Variants in SRD5A2 observed in about 807,000 individuals in gnomAD.
SRD5A2 encodes steroid 5 alpha-reductase 2.
A neutral mutation model predicts 27.4 loss-of-function variants in SRD5A2; 30 were observed. The observed-to-expected ratio is 1.10, with a 90% CI of 0.82 to 1.49. SRD5A2 has a LOEUF of 1.49. Among genes scored for constraint, SRD5A2 ranks in the 40% most tolerant of loss-of-function variants. The probability of loss-of-function intolerance (pLI) is 0.00; values close to 1 mark genes in which losing one functional copy is unlikely to be tolerated. For synonymous variants in SRD5A2, 141 were observed against 133.6 expected, an observed-to-expected ratio of 1.06 and a Z score of -0.38; for missense variants, 348 against 323.4, an observed-to-expected ratio of 1.08 and a Z score of -0.58.
intron 1 of SRD5A2, among the ~76,000 whole-genome samples, chr2:31,537,855 G>A (rs984501745): frequency 4.6e-5 from 7 of 152,126 alleles, no homozygotes; most frequent in African/African-American, 9.7e-5. Flanking sequence ...TAGGACTTGA[G>A]GGAGTGGATT....
rs185031832 is a variant in SRD5A2, at chr2:31,524,207, A to G, written c.*1989T>C. On this transcript the variant is annotated 3_prime_UTR_variant, in exon 5 of 5. Coordinates refer to ENST00000622030, the MANE Select transcript of SRD5A2 (RefSeq NM_000348.4). ...AAGGACTTAAGCAAGGTAGTTTTCA[A>G]TGTCATGGAGAGAACTGGAAGTCTT... is the stretch of plus-strand genomic sequence containing the variant. 51 of 225,348 alleles carry G rather than the reference A, an allele frequency of 2.3e-4. No homozygotes were observed. Among genetic ancestry groups the G allele is most frequent in the African/African-American group, 1.1e-3 (49 of 45,044 alleles). The allele number at this position is 225,348 out of a possible 1,614,324, so 14.0% of individuals were successfully genotyped here.
the SRD5A2 span, among the ~76,000 whole-genome samples, chr2:31,639,374 T>C: frequency 7.9e-5 from 12 of 152,230 alleles, no homozygotes; most frequent in Admixed American, 7.2e-4. Flanking sequence ...AGGAATTGCA[T>C]ACCACAAAAA....
At chr2:31,586,572 G>GA in the SRD5A2 span, among the ~76,000 whole-genome samples, 152,260 of 152,260 alleles carry the variant, frequency 1, 76,130 homozygotes, top group Non-Finnish European at 1. Context: ...CTGTTTGGGA[G>GA]AAGTAAGGAA....
chr2:31,583,652 C>CAAAAAAAAAAAAAAAAAA (rs1352139998), upstream of SRD5A2, among the ~76,000 whole-genome samples: 1 of 20,918 alleles, frequency 4.8e-5, no homozygotes, highest in Admixed American at 6.0e-4. Context: ...AAAAAAAAAC[C>CAAAAAAAAAAAAAAAAAA]AAAAAAAAAG....
chr2:31,626,875 A>T, the SRD5A2 span, among the ~76,000 whole-genome samples: 2 of 152,144 alleles, frequency 1.3e-5, no homozygotes, highest in Non-Finnish European at 2.9e-5. Context: ...TGCCTCATAA[A>T]ATGAGTTAGG....
chr2:31,644,642 C>T, the SRD5A2 span, among the ~76,000 whole-genome samples: 1 of 152,196 alleles, frequency 6.6e-6, no homozygotes, highest in African/African-American at 2.4e-5. Context: ...GGCCCGGTTC[C>T]TAACAGGTCA....
chr2:31,606,796 G>C, the SRD5A2 span, among the ~76,000 whole-genome samples: 31 of 151,884 alleles, frequency 2.0e-4, no homozygotes, highest in Admixed American at 1.3e-3. Context: ...ATATTAGCTT[G>C]CTAAGGCTGC....
the SRD5A2 span, among the ~76,000 whole-genome samples, chr2:31,646,602 C>G: frequency 6.6e-6 from 1 of 152,236 alleles, no homozygotes; most frequent in East Asian, 1.9e-4. Flanking sequence ...ATTACATGGG[C>G]TTCCATGTGC....
At position 31,523,277 on chromosome 2, in the gene SRD5A2, C is replaced by T. The variant is rs1445330005; in HGVS notation, c.*2919G>A. On this transcript the variant is annotated 3_prime_UTR_variant, in exon 5 of 5. Transcript: ENST00000622030. ...GAGCGAGGGAAGCCTCACACACAAA[C>T]AGGCATGGGACAATAGGTGTATAAA... 4.6e-6 allele frequency: 1 copy of T among 215,506 alleles called. No homozygotes were observed. The highest frequency in any genetic ancestry group is 2.3e-5 in the African/African-American group (1 of 44,372). 13.3% of individuals were successfully genotyped at this position (215,506 alleles called of 1,614,324 possible). A position where few individuals can be genotyped will look rare whatever the true frequency, so the allele number is the denominator to read the frequency against.
rs372049682 is a variant in SRD5A2, at chr2:31,580,752, C to T, written c.149G>A (p.Arg50His). The change falls in exon 1 of 5, where the codon CGC becomes CAC. Residue 50 changes from arginine (R) to histidine (H), a missense_variant. Coordinates refer to ENST00000622030, the MANE Select transcript of SRD5A2 (RefSeq NM_000348.4). ...LKPAATRLPA[R>H]AAWFLQELPS... ...CAGCTCCTGCAGGAACCAGGCGGCG[C>T]GGGCTGGCAGGCGGGTAGCCGCCGG... is the stretch of plus-strand genomic sequence containing the variant. 46 of 1,610,360 alleles carry T rather than the reference C, an allele frequency of 2.9e-5. No homozygotes were observed. In the East Asian group the frequency reaches 2.9e-4, roughly 10 times the overall value.
intron 1 of SRD5A2, among the ~76,000 whole-genome samples, chr2:31,567,018 T>C (rs754412735): frequency 3.9e-5 from 6 of 152,186 alleles, no homozygotes; most frequent in Non-Finnish European, 8.8e-5. Flanking sequence ...AATGGCTCCA[T>C]ATATTTATTT....
chr2:31,583,279 A>G (rs1425947927), upstream of SRD5A2, among the ~76,000 whole-genome samples: 1 of 152,216 alleles, frequency 6.6e-6, no homozygotes, highest in Non-Finnish European at 1.5e-5. Context: ...AGAAACACAC[A>G]AGGCCTCTTC....
In SRD5A2 at chr2:31,525,883, T is replaced by A. The variant is rs1299476917; in HGVS notation, c.*313A>T. On this transcript the variant is annotated 3_prime_UTR_variant, in exon 5 of 5. Transcript: ENST00000622030. The stretch of plus-strand genomic sequence containing the variant: ...GACAGGGAGTGGGTATGAAGCCACA[T>A]GTACTTGGATTGCCCGGTGAAAGAC... 2 of 304,470 alleles carry A rather than the reference T, an allele frequency of 6.6e-6. No individual in the cohort carries two copies. The highest frequency in any genetic ancestry group is 1.2e-5 in the Non-Finnish European group (2 of 162,524). 18.9% of individuals were successfully genotyped at this position (304,470 alleles called of 1,614,324 possible).
chr2:31,568,073 C>G (rs1173065067), intron 1 of SRD5A2, among the ~76,000 whole-genome samples: 1 of 152,142 alleles, frequency 6.6e-6, no homozygotes, highest in Admixed American at 6.5e-5. Flanking sequence ...ACCAGATGTA[C>G]CCCAAGTGGC....
At chr2:31,629,635 G>T in the SRD5A2 span, among the ~76,000 whole-genome samples, 1 of 152,012 alleles carries the variant, frequency 6.6e-6, no homozygotes, top group Non-Finnish European at 1.5e-5. Flanking sequence ...AATTTTCCTG[G>T]GGAAGCCAAG....
chr2:31,605,435 A>G, the SRD5A2 span, among the ~76,000 whole-genome samples: 3 of 146,624 alleles, frequency 2.0e-5, no homozygotes, highest in Non-Finnish European at 4.5e-5. Flanking sequence ...AGGAGCTCAA[A>G]CAACTCTGTA....
intron 1 of SRD5A2, among the ~76,000 whole-genome samples, chr2:31,557,189 C>T (rs985433099): frequency 6.6e-6 from 1 of 152,198 alleles, no homozygotes; most frequent in East Asian, 1.9e-4. Context: ...AGCAAGTCAC[C>T]TGAGTGGCTT....
chr2:31,543,722 G>A (rs1666185915), intron 1 of SRD5A2, among the ~76,000 whole-genome samples: 1 of 152,080 alleles, frequency 6.6e-6, no homozygotes, highest in African/African-American at 2.4e-5. Flanking sequence ...GATGTTAAAT[G>A]TAATTCCAAT....
chr2:31,652,319 T>C, the SRD5A2 span, among the ~76,000 whole-genome samples: 3 of 152,224 alleles, frequency 2.0e-5, no homozygotes, highest in African/African-American at 4.8e-5. Flanking sequence ...GAAATTCTAT[T>C]GGGAAATAGG....
Sources: gnomAD v4.1 joint callset for allele counts (sites outside exome capture counted in the v4.1 genomes callset) on GRCh38, gnomAD v4.1.1 for gene constraint, MANE v1.5 for transcripts, NCBI Gene and HGNC (gene_info 2026-07-23, HGNC 2026-07-21) for gene names.